RANBP2: variants seen among roughly 807,000 people sequenced by gnomAD.
RANBP2 encodes the protein RAN binding protein 2, also known as E3 SUMO-protein ligase RanBP2.
Under a neutral mutation model 303.6 loss-of-function variants are expected in RANBP2, and 57 were observed. The observed-to-expected ratio is 0.19, with a 90% CI of 0.15 to 0.23. The LOEUF is 0.23. Ranked by LOEUF, RANBP2 falls within the 10% of genes least tolerant of loss-of-function variation. RANBP2 has a pLI of 1.00. For missense variants in RANBP2, 3,138 were observed against 3,780.8 expected, an observed-to-expected ratio of 0.83 and a Z score of 4.46; for synonymous variants, 1,167 against 1,301.5, an observed-to-expected ratio of 0.90 and a Z score of 2.23.
chr2:109,394,051 A>G, the RANBP2 span, among the ~76,000 whole-genome samples: 1 of 151,962 alleles, frequency 6.6e-6, no homozygotes, highest in Non-Finnish European at 1.5e-5. Context: ...TCTCTATTCA[A>G]CCCAGCCCCA....
chr2:108,837,384 C>T, the RANBP2 span, among the ~76,000 whole-genome samples: 2 of 152,172 alleles, frequency 1.3e-5, no homozygotes, highest in Admixed American at 6.5e-5. Context: ...GAATTAATCT[C>T]ACTTAGTCAT....
At chr2:109,726,134 T>G in the RANBP2 span, among the ~76,000 whole-genome samples, 2 of 148,280 alleles carry the variant, frequency 1.3e-5, no homozygotes, top group Non-Finnish European at 3.0e-5. Context: ...GGTGGCCGGG[T>G]GCAGTGGCTC....
the RANBP2 span, among the ~76,000 whole-genome samples, chr2:108,958,507 G>C: frequency 5.7e-3 from 863 of 152,028 alleles, 8 homozygotes; most frequent in African/African-American, 0.02. Flanking sequence ...GTTCAGGCAG[G>C]GGGCAGAACA....
the RANBP2 span, among the ~76,000 whole-genome samples, chr2:109,761,354 GCCCAGGGAGACTCCTTT>G: frequency 1.3e-5 from 2 of 151,088 alleles, no homozygotes; most frequent in Admixed American, 1.3e-4. Flanking sequence ...AGAGGCCTTA[GCCCAGGGAGACTCCTTT>G]CCTCGGGGTT....
the RANBP2 span, among the ~76,000 whole-genome samples, chr2:108,952,582 C>T: frequency 1.3e-5 from 2 of 152,204 alleles, no homozygotes; most frequent in Non-Finnish European, 2.9e-5. Flanking sequence ...CTTTCACTTG[C>T]TCTGCTGAGA....
chr2:109,347,261 C>T, the RANBP2 span, among the ~76,000 whole-genome samples: 11 of 152,266 alleles, frequency 7.2e-5, no homozygotes, highest in African/African-American at 2.4e-4. Context: ...TAAGAAATTC[C>T]GAGCCCAGAC....
the RANBP2 span, chr2:109,567,728 T>G: frequency 8.0e-7 from 1 of 1,249,158 alleles, no homozygotes; most frequent in South Asian, 2.3e-5. Flanking sequence ...AAGACACAAG[T>G]GAAAGTGTAT....
chr2:109,232,081 A>G, the RANBP2 span, among the ~76,000 whole-genome samples: 2 of 152,228 alleles, frequency 1.3e-5, no homozygotes, highest in African/African-American at 4.8e-5. Flanking sequence ...ATTATGAACA[A>G]TGCCGCTACA....
the RANBP2 span, among the ~76,000 whole-genome samples, chr2:109,631,593 TA>T: frequency 6.6e-6 from 1 of 151,894 alleles, no homozygotes; most frequent in Non-Finnish European, 1.5e-5. Flanking sequence ...CTGTCTCTAC[TA>T]AAAATACAAA....
At chr2:109,666,759 C>T in the RANBP2 span, among the ~76,000 whole-genome samples, 2 of 152,294 alleles carry the variant, frequency 1.3e-5, no homozygotes, top group Middle Eastern at 3.4e-3. Context: ...GATTATTATA[C>T]TCATTAGGCT....
chr2:109,243,889 G>A, the RANBP2 span, among the ~76,000 whole-genome samples: 3 of 152,316 alleles, frequency 2.0e-5, no homozygotes, highest in African/African-American at 7.2e-5. Flanking sequence ...AAATAGATGA[G>A]TGAGTAGTGA....
At chr2:108,861,697 T>A in the RANBP2 span, among the ~76,000 whole-genome samples, 62 of 152,110 alleles carry the variant, frequency 4.1e-4, no homozygotes, top group Non-Finnish European at 7.3e-4. Context: ...GCCAGACTGG[T>A]CTCGAACTCC....
At chr2:109,541,685 G>A in the RANBP2 span, among the ~76,000 whole-genome samples, 9 of 152,312 alleles carry the variant, frequency 5.9e-5, no homozygotes, top group African/African-American at 2.2e-4. Context: ...CACACAACAT[G>A]CTGTGCCTTG....
chr2:109,606,986 A>G, the RANBP2 span, among the ~76,000 whole-genome samples: 1 of 152,190 alleles, frequency 6.6e-6, no homozygotes, highest in African/African-American at 2.4e-5. Context: ...AAGAATTGAA[A>G]GGCTTCTCAT....
intron 1 of RANBP2, among the ~76,000 whole-genome samples, chr2:108,725,042 C>T (rs1204304407): frequency 1.3e-5 from 2 of 152,162 alleles, no homozygotes; most frequent in Non-Finnish European, 1.5e-5. Context: ...ACAATTACAT[C>T]TCTATCTTAC....
chr2:108,767,374 A>G lies in RANBP2; in HGVS notation c.6835A>G (p.Lys2279Glu), dbSNP rs1225097759. The change falls in exon 20 of 29, where the codon AAG becomes GAG. Residue 2279 changes from lysine to glutamate, a missense_variant. This residue lies in a region of RANBP2 where 72 missense variants were observed against 86.8 expected (regional missense o/e 0.83). Transcript: ENST00000283195. The part of the protein sequence containing the change: ...FSFKSALSPS[K>E]SPAKLNQSGT... The stretch of plus-strand genomic sequence containing the variant: ...TTTTAAATCTGCTTTGAGTCCATCT[A>G]AGTCTCCTGCCAAGTTGAATCAGAG... The G allele has an allele frequency of 1.2e-6, 2 of 1,611,914 alleles. No homozygotes were observed. Among genetic ancestry groups the G allele is most frequent in the African/African-American group, 2.7e-5 (2 of 74,868 alleles).
chr2:108,925,296 G>A, the RANBP2 span, among the ~76,000 whole-genome samples: 2 of 152,376 alleles, frequency 1.3e-5, no homozygotes, highest in South Asian at 2.1e-4. Context: ...CTTTGATGCT[G>A]AGGTGGACAG....
At chr2:109,546,753 T>C in the RANBP2 span, among the ~76,000 whole-genome samples, 1 of 152,308 alleles carries the variant, frequency 6.6e-6, no homozygotes, top group East Asian at 1.9e-4. Context: ...TATTTTTCCA[T>C]AGTCTTTCAA....
At chr2:109,573,653 T>A in the RANBP2 span, among the ~76,000 whole-genome samples, 1 of 152,204 alleles carries the variant, frequency 6.6e-6, no homozygotes, top group Non-Finnish European at 1.5e-5. Context: ...TAATTCAACT[T>A]ATACAGTTAG....
Sources: allele counts gnomAD v4.1 joint callset (sites outside exome capture counted in the v4.1 genomes callset), GRCh38; gene constraint gnomAD v4.1.1; regional missense constraint gnomAD v4.1.1; transcripts MANE v1.5; gene names NCBI Gene and HGNC (gene_info 2026-07-23, HGNC 2026-07-21).